The following HMCN1 variants were observed in gnomAD, a reference collection of about 807,000 sequenced individuals.
HMCN1 encodes hemicentin 1, also known as hemicentin-1.
In HMCN1, 321 loss-of-function variants were observed where a neutral mutation model predicts 625.9. That is an observed-to-expected ratio of 0.51 (90% CI 0.47 to 0.56). The LOEUF (loss-of-function observed/expected upper bound fraction) is 0.56. HMCN1 is among the 20% of genes least tolerant of loss of function. The probability of loss-of-function intolerance (pLI) is 0.00; values close to 1 mark genes in which losing one functional copy is unlikely to be tolerated. For synonymous variants in HMCN1, 2,425 were observed against 2,417.6 expected (o/e 1.00, Z -0.09); for missense variants, 6,588 against 6,887.3 (o/e 0.96, Z 1.54).
chr1:185,829,217 C>G (rs1160866019), intron 1 of HMCN1, among the ~76,000 whole-genome samples: 1 of 150,866 alleles, frequency 6.6e-6, no homozygotes, highest in Admixed American at 6.6e-5. Context: ...CCAAAGCATA[C>G]AGAAAATACA....
chr1:186,086,791 TAGATGATAGATAGATAGATAGATGATA>T (rs201248647), intron 58 of HMCN1, among the ~76,000 whole-genome samples: 13,056 of 146,606 alleles, frequency 0.089, 962 homozygotes, highest in African/African-American at 0.2. Context: ...GATAGATAGA[TAGATGATAGATAGATAGATAGATGATA>T]GATAGATAGA....
chr1:185,992,174 C>T (rs1234755327), intron 22 of HMCN1, among the ~76,000 whole-genome samples: 1 of 151,938 alleles, frequency 6.6e-6, no homozygotes, highest in East Asian at 1.9e-4. Flanking sequence ...AATCTTTTGT[C>T]TTTTATATGT....
intron 1 of HMCN1, among the ~76,000 whole-genome samples, chr1:185,762,873 A>G (rs1341630716): frequency 6.6e-6 from 1 of 151,982 alleles, no homozygotes; most frequent in Non-Finnish European, 1.5e-5. Flanking sequence ...TTTTAAAGGA[A>G]TTTTTTTTCT....
chr1:186,112,992 T>C (rs1660962397), intron 72 of HMCN1, 39 bp downstream of exon 72: 2 of 1,608,522 alleles, frequency 1.2e-6, no homozygotes, highest in South Asian at 1.1e-5. Flanking sequence ...TTTAAAAATC[T>C]GACCAAGGGC....
intron 14 of HMCN1, among the ~76,000 whole-genome samples, chr1:185,968,125 A>G (rs1356767972): frequency 1.3e-5 from 2 of 152,116 alleles, no homozygotes; most frequent in Non-Finnish European, 2.9e-5. Flanking sequence ...GGTTCCCACA[A>G]TTCTTTCAGG....
At position 186,062,575 on chromosome 1, in the gene HMCN1, T is replaced by C; in HGVS notation, c.7488T>C (p.Ser2496=). The C allele has an allele frequency of 6.2e-7, 1 of 1,612,446 alleles. No homozygotes were observed. Among genetic ancestry groups the C allele is most frequent in the Non-Finnish European group, 8.5e-7 (1 of 1,178,772 alleles). ...LEDVKVKEKQ[S]VTLTCEVTGN... ...ATGTGAAGGTAAAAGAGAAACAGAG[T>C]GTTACGCTGACTTGTGAAGTGACAG... is the stretch of plus-strand genomic sequence containing the variant. The change falls in exon 48 of 107, where the codon AGT becomes AGC. Residue 2496 remains serine (S), a synonymous_variant. Transcript: ENST00000271588.
chr1:185,923,784 A>G (rs550350237), intron 8 of HMCN1, 131 bp downstream of exon 8: 4 of 767,602 alleles, frequency 5.2e-6, no homozygotes, highest in Admixed American at 4.2e-5. Flanking sequence ...AAATTGATGG[A>G]TATTTACATG....
chr1:186,053,764 C>T (rs1409736024), intron 43 of HMCN1, 61 bp from the exon 44 acceptor site: 2 of 1,519,132 alleles, frequency 1.3e-6, no homozygotes, highest in Non-Finnish European at 1.8e-6. Context: ...TCATACTTGG[C>T]AATGTATACA....
intron 5 of HMCN1, among the ~76,000 whole-genome samples, chr1:185,909,752 A>G (rs569284119): frequency 6.6e-6 from 1 of 152,288 alleles, no homozygotes; most frequent in Admixed American, 6.5e-5. Flanking sequence ...TATACTAATT[A>G]TATTTAAATG....
chr1:185,963,991 A>G, intron 13 of HMCN1, 96 bp downstream of exon 13: 2 of 983,110 alleles, frequency 2.0e-6, no homozygotes, highest in South Asian at 1.3e-5. Flanking sequence ...TTAGTAATGC[A>G]TACATGGTAT....
chr1:185,783,341 C>A (rs1657285704), intron 1 of HMCN1, among the ~76,000 whole-genome samples: 1 of 152,220 alleles, frequency 6.6e-6, no homozygotes, highest in Non-Finnish European at 1.5e-5. Context: ...CTTCTTCTCT[C>A]AACTTATCAA....
chr1:185,938,122 G>A (rs1287028175), intron 11 of HMCN1, among the ~76,000 whole-genome samples: 1 of 151,880 alleles, frequency 6.6e-6, no homozygotes, highest in Non-Finnish European at 1.5e-5. Flanking sequence ...TTTTTAAGTG[G>A]AAATTAGAAA....
intron 2 of HMCN1, among the ~76,000 whole-genome samples, chr1:185,863,418 T>G (rs1662993592): frequency 6.6e-6 from 1 of 152,228 alleles, no homozygotes; most frequent in Non-Finnish European, 1.5e-5. Context: ...TCAGTTTGTC[T>G]GTTTGTCTAT....
intron 4 of HMCN1, among the ~76,000 whole-genome samples, chr1:185,879,398 T>C (rs1558034941): frequency 6.6e-6 from 1 of 152,126 alleles, no homozygotes; most frequent in East Asian, 1.9e-4. Flanking sequence ...TTTCAAACTC[T>C]TGGGTTCAAG....
chr1:185,807,893 C>T (rs967777919), intron 1 of HMCN1, among the ~76,000 whole-genome samples: 7 of 152,048 alleles, frequency 4.6e-5, no homozygotes, highest in African/African-American at 7.2e-5. Context: ...AAACAAGTGA[C>T]GGGAATATTC....
chr1:186,159,055 A>G (rs1322530306), intron 97 of HMCN1, among the ~76,000 whole-genome samples: 2 of 152,020 alleles, frequency 1.3e-5, no homozygotes, highest in Admixed American at 6.6e-5. Context: ...GATTCTTCCT[A>G]CCCATGAGCA....
At chr1:185,979,220 A>G (rs940946917) in intron 16 of HMCN1, among the ~76,000 whole-genome samples, 1 of 152,072 alleles carries the variant, frequency 6.6e-6, no homozygotes, top group African/African-American at 2.4e-5. Flanking sequence ...TTGAATGTCC[A>G]GGTGAAAAAA....
intron 57 of HMCN1, among the ~76,000 whole-genome samples, chr1:186,084,220 G>T (rs865933617): frequency 6.6e-6 from 1 of 151,912 alleles, no homozygotes; most frequent in Non-Finnish European, 1.5e-5. Context: ...TACTTATCTT[G>T]GTCTCCCTAA....
intron 4 of HMCN1, among the ~76,000 whole-genome samples, chr1:185,867,670 G>C (rs16824576): frequency 0.38 from 57,395 of 151,886 alleles, 13,288 homozygotes; most frequent in African/African-American, 0.65. Context: ...TCATTCCCAG[G>C]AGAAGTATTA....
Sources: allele counts gnomAD v4.1 joint callset (sites outside exome capture counted in the v4.1 genomes callset), GRCh38; gene constraint gnomAD v4.1.1; transcripts MANE v1.5; gene names NCBI Gene and HGNC (gene_info 2026-07-23, HGNC 2026-07-21).